Variants in XPC observed in about 807,000 individuals in gnomAD.
XPC encodes the protein XPC complex subunit, DNA damage recognition and repair factor.
A neutral mutation model predicts 95.8 loss-of-function variants in XPC; 76 were observed. The observed-to-expected ratio is 0.79, with a 90% CI of 0.66 to 0.96. XPC has a LOEUF of 0.96. Ranked by LOEUF, XPC falls within the 40% of genes least tolerant of loss-of-function variation. XPC has a pLI of 0.00. For missense variants in XPC, 1,146 were observed against 1,179.8 expected, an observed-to-expected ratio of 0.97 and a Z score of 0.42; for synonymous variants, 442 against 442.1, an observed-to-expected ratio of 1.00 and a Z score of 0.00.
At chr3:14,163,983 A>C (rs1191944120) in intron 7 of XPC, among the ~76,000 whole-genome samples, 2 of 152,246 alleles carry the variant, frequency 1.3e-5, no homozygotes, top group East Asian at 3.8e-4. Context: ...CAGGAGGTGG[A>C]GGTTGCAGTG....
intron 1 of XPC, 118 bp downstream of exon 1, chr3:14,178,348 C>A (rs1025681885): frequency 1.7e-6 from 2 of 1,210,392 alleles, no homozygotes; most frequent in South Asian, 1.7e-5. Context: ...GCCCCCACGG[C>A]GCGGAACGCG....
At chr3:14,157,154 C>T (rs1559374464) in intron 9 of XPC, among the ~76,000 whole-genome samples, 3 of 152,134 alleles carry the variant, frequency 2.0e-5, no homozygotes, top group Non-Finnish European at 4.4e-5. Context: ...AGGTTAGTTA[C>T]GATACCATCT....
chr3:14,148,489 C>A, intron 13 of XPC, 73 bp downstream of exon 13: 1 of 1,570,062 alleles, frequency 6.4e-7, no homozygotes. Flanking sequence ...CCCATGCCAG[C>A]TTTCCATCCC....
chr3:14,145,733 A>G lies in XPC; in HGVS notation c.*208T>C, dbSNP rs3731179. 1.7e-4 allele frequency: 120 copies of G among 717,816 alleles called. 1 individual carries two copies. Among genetic ancestry groups the G allele is most frequent in the African/African-American group, 1.5e-3 (86 of 57,582 alleles). The allele number at this position is 717,816 out of a possible 1,614,324, so 44.5% of individuals were successfully genotyped here. ...GCTTTGAAGGCTTCACCCTGGGTGA[A>G]TCTGACAAGGGCTGGAGCCAGACGG... On this transcript the variant is annotated 3_prime_UTR_variant, in exon 16 of 16. Transcript: ENST00000285021.
Position 14,146,175 on chromosome 3 carries a change from T to G in XPC, c.2605-16A>C, listed in dbSNP as rs771431136. The G allele has an allele frequency of 7.5e-5, 119 of 1,595,720 alleles. No individual in the cohort carries two copies. The highest frequency in any genetic ancestry group is 1.4e-5 in the Non-Finnish European group (16 of 1,172,752). On this transcript the variant is annotated splice_polypyrimidine_tract_variant and intron_variant, in intron 15 of 15. Coordinates refer to ENST00000285021, the MANE Select transcript of XPC (RefSeq NM_004628.5). ...CTGCCTCACTCTGGACAGGTGGCAG[T>G]GGTGGGAGGACACAGGCGAGGGTTA...
At chr3:14,148,086 G>T in intron 13 of XPC, 85 bp from the exon 14 acceptor site, 2 of 1,202,302 alleles carry the variant, frequency 1.7e-6, no homozygotes, top group Non-Finnish European at 2.4e-6. Flanking sequence ...AAGACAGTGG[G>T]CCACATCTGA....
At position 14,156,504 on chromosome 3, in the gene XPC, G is replaced by A. The variant is rs1340268710; in HGVS notation, c.1873-9C>T. The A allele has an allele frequency of 3.7e-6, 6 of 1,613,824 alleles. No homozygotes were observed. The highest frequency in any genetic ancestry group is 3.3e-5 in the South Asian group (3 of 91,048). On this transcript the variant is annotated splice_polypyrimidine_tract_variant and intron_variant, in intron 9 of 15. Coordinates refer to ENST00000285021, the MANE Select transcript of XPC (RefSeq NM_004628.5). ...ATGTGTTTAGCCTGAAACTGCAAAGGCCAGACAGACAAGGTTGAGCATGTT... is the reference window on the plus strand; with the variant it reads ...ATGTGTTTAGCCTGAAACTGCAAAGACCAGACAGACAAGGTTGAGCATGTT...
chr3:14,152,296 T>G (rs1329967551), intron 11 of XPC, 39 bp downstream of exon 11: 1 of 1,585,022 alleles, frequency 6.3e-7, no homozygotes, highest in Admixed American at 1.7e-5. Flanking sequence ...TACAGGCCTG[T>G]GTCACCACTC....
intron 10 of XPC, among the ~76,000 whole-genome samples, chr3:14,155,760 G>A (rs1384974653): frequency 2.6e-5 from 4 of 152,006 alleles, no homozygotes; most frequent in African/African-American, 7.2e-5. Context: ...GGGTTTCATC[G>A]TGTTAGCCAG....
intron 10 of XPC, among the ~76,000 whole-genome samples, chr3:14,155,846 C>T (rs1695883347): frequency 6.6e-6 from 1 of 152,332 alleles, no homozygotes; most frequent in South Asian, 2.1e-4. Flanking sequence ...GCGTGAGCCA[C>T]CGCGCCCGGC....
In XPC at chr3:14,147,898, A is replaced by G. The variant is rs1042851198; in HGVS notation, c.2514+10T>C. ...CTTCTGCTGTCCCTCAGTCCTGCAT[A>G]TGCGCTTACCTCCTTCTCCTTCCTT... On this transcript the variant is annotated intron_variant, in intron 14 of 15. Coordinates refer to ENST00000285021, the MANE Select transcript of XPC (RefSeq NM_004628.5). 9.4e-6 allele frequency: 15 copies of G among 1,590,586 alleles called. No individual in the cohort carries two copies. Among genetic ancestry groups the G allele is most frequent in the Non-Finnish European group, 1.3e-5 (15 of 1,167,414 alleles).
In XPC at chr3:14,145,347, A is replaced by G. The variant is rs1396053819; in HGVS notation, c.*594T>C. 1 of 699,864 alleles carries G rather than the reference A, an allele frequency of 1.4e-6. No homozygotes were observed. Among genetic ancestry groups the G allele is most frequent in the South Asian group, 1.5e-5 (1 of 67,352 alleles). The allele number at this position is 699,864 out of a possible 1,614,324, so 43.4% of individuals were successfully genotyped here. On this transcript the variant is annotated 3_prime_UTR_variant, in exon 16 of 16. Coordinates refer to ENST00000285021, the MANE Select transcript of XPC (RefSeq NM_004628.5). ...CTTTTTTTAGGCTTCTGTCACCACAAAATGTTACTTGGAAAACTAGATCCC... is the reference window on the plus strand; with the variant it reads ...CTTTTTTTAGGCTTCTGTCACCACAGAATGTTACTTGGAAAACTAGATCCC...
intron 7 of XPC, among the ~76,000 whole-genome samples, chr3:14,160,506 C>T (rs768239231): frequency 2.0e-5 from 3 of 152,140 alleles, no homozygotes; most frequent in East Asian, 1.9e-4. Context: ...GCCACAGCCT[C>T]GGGAGAAAGT....
At chr3:14,167,403 A>T in intron 4 of XPC, 150 bp from the exon 5 acceptor site, 1 of 650,866 alleles carries the variant, frequency 1.5e-6, no homozygotes, top group Non-Finnish European at 2.5e-6. Context: ...TCTGCAAGCC[A>T]GCTATTTCCT....
chr3:14,156,694 CAAAT>C (rs1441266398), intron 9 of XPC, among the ~76,000 whole-genome samples, 199 bp from the exon 10 acceptor site: 13 of 152,300 alleles, frequency 8.5e-5, no homozygotes, highest in African/African-American at 2.9e-4. Context: ...TTTAAAGAAT[CAAAT>C]AAATCTGTGG....
intron 14 of XPC, 157 bp downstream of exon 14, chr3:14,147,751 C>G: frequency 1.5e-6 from 1 of 670,234 alleles, no homozygotes; most frequent in Non-Finnish European, 2.6e-6. Context: ...CAGGAGCCTG[C>G]TGTATTCAGT....
chr3:14,172,972 C>T lies in XPC; in HGVS notation c.194G>A (p.Gly65Asp). 1 of 1,613,894 alleles carries T rather than the reference C, an allele frequency of 6.2e-7. No homozygotes were observed. The highest frequency in any genetic ancestry group is 8.5e-7 in the Non-Finnish European group (1 of 1,179,820). ...KRKRGCSHPGGSADGPAKKKV... is the reference protein window; with the variant it reads ...KRKRGCSHPGDSADGPAKKKV... ...CTTTTTTGCTGGACCATCTGCTGAA[C>T]CCCCAGGATGACTGCAGCCTCTTTT... is the stretch of plus-strand genomic sequence containing the variant. The change falls in exon 2 of 16, where the codon GGT (glycine) becomes GAT (aspartate). Residue 65 changes from glycine to aspartate, a missense_variant. Transcript: ENST00000285021.
At chr3:14,152,495 C>T (rs969299225) in intron 10 of XPC, 79 bp from the exon 11 acceptor site, 2 of 1,379,164 alleles carry the variant, frequency 1.5e-6, no homozygotes, top group African/African-American at 1.5e-5. Context: ...GAGAGCGCAG[C>T]CCTGCAGGCT....
At chr3:14,171,923 G>A (rs767185958) in intron 2 of XPC, among the ~76,000 whole-genome samples, 2 of 152,082 alleles carry the variant, frequency 1.3e-5, no homozygotes, top group African/African-American at 2.4e-5. Context: ...ATGCTGTCCC[G>A]TGTCCCTTCC....
Sources: gnomAD v4.1 joint callset for allele counts (sites outside exome capture counted in the v4.1 genomes callset) on GRCh38, gnomAD v4.1.1 for gene constraint, MANE v1.5 for transcripts, NCBI Gene and HGNC (gene_info 2026-07-23, HGNC 2026-07-21) for gene names.